The following LHFPL2 variants were observed in gnomAD, a reference collection of about 807,000 sequenced individuals.
LHFPL2 encodes LHFPL tetraspan subfamily member 2.
LHFPL2 carries 7 observed loss-of-function variants against 17.5 expected under a neutral mutation model. The observed-to-expected ratio is 0.40, with a 90% CI of 0.23 to 0.75. The LOEUF is 0.75. Among genes scored for constraint, LHFPL2 ranks in the 30% least tolerant of loss-of-function variants. The probability of loss-of-function intolerance (pLI) is 0.37; values close to 1 mark genes in which losing one functional copy is unlikely to be tolerated. For synonymous variants in LHFPL2, 134 were observed against 116.2 expected (o/e 1.15, Z -0.99); for missense variants, 241 against 294.8 (o/e 0.82, Z 1.34).
intron 1 of LHFPL2, among the ~76,000 whole-genome samples, chr5:78,634,396 A>C (rs1745358517): frequency 1.3e-5 from 2 of 152,210 alleles, no homozygotes; most frequent in Non-Finnish European, 2.9e-5. Context: ...AGTGCACCTC[A>C]AGTAGTGCTG....
At chr5:78,573,656 CT>C (rs920448170) in intron 2 of LHFPL2, among the ~76,000 whole-genome samples, 4 of 152,194 alleles carry the variant, frequency 2.6e-5, no homozygotes, top group African/African-American at 9.7e-5. Flanking sequence ...CTGCTTTCAT[CT>C]TTTTTCCCCC....
At chr5:78,511,689 C>T (rs1755132807) in intron 3 of LHFPL2, among the ~76,000 whole-genome samples, 1 of 152,240 alleles carries the variant, frequency 6.6e-6, no homozygotes, top group Non-Finnish European at 1.5e-5. Context: ...CCCGTTTCTA[C>T]ACCCTGCACC....
intron 4 of LHFPL2, among the ~76,000 whole-genome samples, chr5:78,497,981 G>A (rs777010704): frequency 3.9e-5 from 6 of 152,224 alleles, no homozygotes; most frequent in South Asian, 2.1e-4. Context: ...AAGACAGGCC[G>A]CGGCTGACCT....
intron 2 of LHFPL2, among the ~76,000 whole-genome samples, chr5:78,579,359 T>C (rs910014322): frequency 6.6e-6 from 1 of 152,088 alleles, no homozygotes. Flanking sequence ...ATTATTATTA[T>C]ACTTTAAGTT....
At chr5:78,489,285 G>A (rs1754359503) in intron 4 of LHFPL2, 132 bp from the exon 5 acceptor site, 1 of 950,226 alleles carries the variant, frequency 1.1e-6, no homozygotes, top group African/African-American at 1.6e-5. Flanking sequence ...TGTTGGGACT[G>A]TTTCATGCAA....
chr5:78,585,669 A>C (rs541432436), intron 2 of LHFPL2, among the ~76,000 whole-genome samples: 2 of 151,878 alleles, frequency 1.3e-5, no homozygotes, highest in South Asian at 2.1e-4. Flanking sequence ...CACTAAAACA[A>C]CCTCCACCTC....
chr5:78,638,461 C>T (rs184357735), intron 1 of LHFPL2, among the ~76,000 whole-genome samples: 170 of 152,312 alleles, frequency 1.1e-3, no homozygotes, highest in Admixed American at 2.2e-3. Context: ...TGCCTCCCTT[C>T]GAGGGCAGGA....
chr5:78,517,819 A>C (rs1264812514), intron 3 of LHFPL2, among the ~76,000 whole-genome samples: 1 of 152,206 alleles, frequency 6.6e-6, no homozygotes, highest in Non-Finnish European at 1.5e-5. Flanking sequence ...ATAGCCAGAG[A>C]CGGAAGGTCC....
chr5:78,593,043 T>C (rs368141664), intron 2 of LHFPL2, among the ~76,000 whole-genome samples: 1 of 152,154 alleles, frequency 6.6e-6, no homozygotes, highest in East Asian at 1.9e-4. Flanking sequence ...AGCCAACAGG[T>C]GCTCCCATGC....
intron 2 of LHFPL2, among the ~76,000 whole-genome samples, chr5:78,583,552 G>A (rs1743232532): frequency 6.6e-6 from 1 of 150,974 alleles, no homozygotes; most frequent in Non-Finnish European, 1.5e-5. Context: ...AGCTTAATTT[G>A]GCTGGATATG....
At chr5:78,640,869 T>G (rs73150041) in intron 1 of LHFPL2, among the ~76,000 whole-genome samples, 1 of 152,012 alleles carries the variant, frequency 6.6e-6, no homozygotes, top group South Asian at 2.1e-4. Context: ...CAACAAGCAT[T>G]CACTGGGGCC....
chr5:78,558,529 G>A (rs1756641698), intron 3 of LHFPL2, among the ~76,000 whole-genome samples: 1 of 146 alleles, frequency 6.8e-3, no homozygotes, highest in Non-Finnish European at 0.014. Flanking sequence ...TCTTTTCAGA[G>A]ACAGGTCTTG....
intron 2 of LHFPL2, among the ~76,000 whole-genome samples, chr5:78,572,470 G>A (rs762866112): frequency 4.0e-5 from 6 of 148,842 alleles, no homozygotes; most frequent in Non-Finnish European, 8.9e-5. Flanking sequence ...GTATATACAT[G>A]TGTATATATA....
At chr5:78,577,805 T>C (rs1331206944) in intron 2 of LHFPL2, among the ~76,000 whole-genome samples, 2 of 151,582 alleles carry the variant, frequency 1.3e-5, no homozygotes, top group Non-Finnish European at 2.9e-5. Flanking sequence ...CTTTGAGCTT[T>C]TTTTTTTTTA....
In LHFPL2 at chr5:78,489,145, G is replaced by T. The variant is rs1426960918; in HGVS notation, c.439C>A (p.Leu147Ile). 5 of 1,614,146 alleles carry T rather than the reference G, an allele frequency of 3.1e-6. No individual in the cohort carries two copies. Among genetic ancestry groups the T allele is most frequent in the Non-Finnish European group, 3.4e-6 (4 of 1,180,008 alleles). The change falls in exon 5 of 5, where the codon CTT becomes ATT. Residue 147 changes from leucine (L) to isoleucine (I), a missense_variant. Transcript: ENST00000380345. Reference sequence around the variant, plus strand: ...GGGTAGAGTATCAAACCGAGGATAAGGAATAGACCTGCAGAACAAAAGAGA... The same window carrying T: ...GGGTAGAGTATCAAACCGAGGATAATGAATAGACCTGCAGAACAAAAGAGA... ...GLLQGIAGLF[L>I]ILGLILYPAG...
At chr5:78,639,142 A>G (rs1430677353) in intron 1 of LHFPL2, among the ~76,000 whole-genome samples, 1 of 152,118 alleles carries the variant, frequency 6.6e-6, no homozygotes, top group Non-Finnish European at 1.5e-5. Flanking sequence ...ACAGGTGTAC[A>G]CACAAACTCT....
intron 2 of LHFPL2, among the ~76,000 whole-genome samples, chr5:78,573,788 T>A (rs1186471708): frequency 6.6e-6 from 1 of 152,230 alleles, no homozygotes; most frequent in South Asian, 2.1e-4. Flanking sequence ...GTTTTAAAAT[T>A]CTAATTTTTA....
chr5:78,611,015 T>G (rs1744406957), intron 2 of LHFPL2, among the ~76,000 whole-genome samples: 1 of 152,168 alleles, frequency 6.6e-6, no homozygotes, highest in Non-Finnish European at 1.5e-5. Context: ...AGGCTTTCAC[T>G]GCTTTGTTAC....
intron 2 of LHFPL2, among the ~76,000 whole-genome samples, chr5:78,623,731 G>T (rs1580868431): frequency 1.3e-5 from 2 of 152,296 alleles, no homozygotes; most frequent in South Asian, 4.1e-4. Context: ...AATGAAACTA[G>T]ATTTTCCAAA....
Sources: gnomAD v4.1 joint callset for allele counts (sites outside exome capture counted in the v4.1 genomes callset) on GRCh38, gnomAD v4.1.1 for gene constraint, MANE v1.5 for transcripts, NCBI Gene and HGNC (gene_info 2026-07-23, HGNC 2026-07-21) for gene names.